SYT1: variants seen among roughly 807,000 people sequenced by gnomAD.
The protein encoded by SYT1 is synaptotagmin 1.
SYT1 carries 8 observed loss-of-function variants against 44.8 expected under a neutral mutation model. The observed-to-expected ratio is 0.18, with a 90% CI of 0.10 to 0.32. SYT1 has a LOEUF of 0.32. Ranked by LOEUF, SYT1 falls within the 10% of genes least tolerant of loss-of-function variation. The pLI is 1.00. For missense variants in SYT1, 286 were observed against 509.3 expected (o/e 0.56, Z 4.22); for synonymous variants, 154 against 188.8 (o/e 0.82, Z 1.51).
At chr12:79,098,141 T>A (rs1878252403) in intron 3 of SYT1, among the ~76,000 whole-genome samples, 1 of 152,046 alleles carries the variant, frequency 6.6e-6, no homozygotes. Context: ...TTTCAATATT[T>A]ATATGAATGA....
intron 3 of SYT1, among the ~76,000 whole-genome samples, chr12:79,110,854 A>C (rs932563431): frequency 3.3e-5 from 5 of 152,130 alleles, no homozygotes; most frequent in Admixed American, 2.6e-4. Flanking sequence ...AATATGCGTT[A>C]CTTCTTTTAA....
intron 1 of SYT1, among the ~76,000 whole-genome samples, chr12:78,923,553 T>TC (rs959050598): frequency 1.7e-4 from 25 of 144,834 alleles, no homozygotes; most frequent in African/African-American, 6.2e-4. Context: ...TATAGAACTA[T>TC]TTAAAAAAAA....
intron 3 of SYT1, among the ~76,000 whole-genome samples, chr12:79,187,595 C>T (rs1872876207): frequency 6.6e-6 from 1 of 152,040 alleles, no homozygotes; most frequent in Non-Finnish European, 1.5e-5. Flanking sequence ...ATTGCATATT[C>T]ATGTATCACC....
intron 1 of SYT1, among the ~76,000 whole-genome samples, chr12:78,949,072 G>A (rs549023062): frequency 4.0e-5 from 6 of 151,130 alleles, no homozygotes; most frequent in South Asian, 2.1e-4. Context: ...TTCAGTGATC[G>A]TCTTTATGCC....
intron 9 of SYT1, among the ~76,000 whole-genome samples, chr12:79,374,360 T>C (rs1883909055): frequency 6.6e-6 from 1 of 152,186 alleles, no homozygotes; most frequent in Non-Finnish European, 1.5e-5. Context: ...TCCTTTCCTT[T>C]CTCTTACCAA....
intron 3 of SYT1, among the ~76,000 whole-genome samples, chr12:79,150,464 G>A (rs1010952948): frequency 2.6e-5 from 4 of 152,176 alleles, no homozygotes; most frequent in Non-Finnish European, 5.9e-5. Flanking sequence ...GGGGTAGTGG[G>A]ACTTTGGTCA....
chr12:79,128,068 T>C (rs1868556496), intron 3 of SYT1, among the ~76,000 whole-genome samples: 1 of 151,710 alleles, frequency 6.6e-6, no homozygotes, highest in South Asian at 2.1e-4. Flanking sequence ...TAAGGGTGCA[T>C]AGATGGATAA....
At chr12:78,974,229 A>T (rs1214104289) in intron 1 of SYT1, among the ~76,000 whole-genome samples, 1 of 151,144 alleles carries the variant, frequency 6.6e-6, no homozygotes, top group Non-Finnish European at 1.5e-5. Context: ...AACATAGTAC[A>T]GTAAAAATAT....
intron 3 of SYT1, among the ~76,000 whole-genome samples, chr12:79,054,042 C>G (rs1394941963): frequency 2.0e-5 from 3 of 151,994 alleles, no homozygotes; most frequent in African/African-American, 7.2e-5. Flanking sequence ...AGGCATTGAA[C>G]TAAATTTCAT....
chr12:79,003,632 A>G (rs1476261778), intron 2 of SYT1, among the ~76,000 whole-genome samples: 1 of 151,988 alleles, frequency 6.6e-6, no homozygotes, highest in East Asian at 1.9e-4. Context: ...CTGATTACAA[A>G]AGGGTATACT....
intron 8 of SYT1, among the ~76,000 whole-genome samples, chr12:79,306,219 A>C (rs1345308565): frequency 2.0e-5 from 3 of 152,232 alleles, no homozygotes; most frequent in Non-Finnish European, 4.4e-5. Context: ...AATTTAACAA[A>C]TATGCATTCT....
intron 4 of SYT1, among the ~76,000 whole-genome samples, chr12:79,253,516 TCTCTCTC>T (rs1565877272): frequency 1.3e-4 from 20 of 150,986 alleles, no homozygotes; most frequent in African/African-American, 1.9e-4. Context: ...TCTCTCTCTC[TCTCTCTC>T]TCACCTCAGA....
At position 79,219,048 on chromosome 12, in the gene SYT1, C is replaced by T. The variant is rs1442318014; in HGVS notation, c.166+1363C>T. 2.0e-5 allele frequency among the ~76,000 whole-genome samples: 3 copies of T among 152,058 alleles called. No homozygotes were observed. In the East Asian group the frequency reaches 5.8e-4, roughly 29 times the overall value. The stretch of plus-strand genomic sequence containing the variant: ...TTATATTTGATTTTTTGATAATAGC[C>T]ATTCTAACAGGTTTGAGGTGGTATT... On this transcript the variant is annotated intron_variant, in intron 4 of 10. Coordinates refer to ENST00000261205, the MANE Select transcript of SYT1 (RefSeq NM_005639.3).
At chr12:79,033,524 G>T (rs1367869118) in intron 2 of SYT1, among the ~76,000 whole-genome samples, 3 of 151,278 alleles carry the variant, frequency 2.0e-5, no homozygotes, top group Admixed American at 1.3e-4. Context: ...AGAATTAGGT[G>T]GTTGGTTCTT....
In SYT1 at chr12:79,112,026, G is replaced by GA. The variant is rs78185411; in HGVS notation, c.-18+64677dup. Among the ~76,000 whole-genome samples, 670 of 135,372 alleles carry GA rather than the reference G, an allele frequency of 4.9e-3. 3 individuals are homozygous for GA. Among genetic ancestry groups the GA allele is most frequent in the Middle Eastern group, 0.03 (8 of 264 alleles). 88.8% of individuals were successfully genotyped at this position (135,372 alleles called of 152,430 possible). A position where few individuals can be genotyped will look rare whatever the true frequency, so the allele number is the denominator to read the frequency against. ...TTAAAGTTTAGTTAGAAAGGATCAG[G>GA]AAAAAAAAAAAAACACAAAGAACTG... On this transcript the variant is annotated intron_variant, in intron 3 of 10. Transcript: ENST00000261205.
intron 8 of SYT1, among the ~76,000 whole-genome samples, chr12:79,330,395 GCTGAGTACT>G (rs1881801941): frequency 6.6e-6 from 1 of 152,154 alleles, no homozygotes. Context: ...CTGGCATGAT[GCTGAGTACT>G]CCTAAATAAT....
At chr12:79,438,276 G>C (rs1277662615) in intron 9 of SYT1, among the ~76,000 whole-genome samples, 1 of 152,106 alleles carries the variant, frequency 6.6e-6, no homozygotes, top group South Asian at 2.1e-4. Flanking sequence ...CCAAAAAAAA[G>C]ATGGCAGATT....
chr12:79,364,020 A>T (rs1433084088), intron 9 of SYT1, among the ~76,000 whole-genome samples: 1 of 152,142 alleles, frequency 6.6e-6, no homozygotes, highest in Non-Finnish European at 1.5e-5. Context: ...AAATTCCACT[A>T]ATCTAACTGA....
chr12:79,364,048 TC>T (rs1883435234), intron 9 of SYT1, among the ~76,000 whole-genome samples: 1 of 152,194 alleles, frequency 6.6e-6, no homozygotes, highest in South Asian at 2.1e-4. Context: ...GTCTTCATCT[TC>T]CAAATGATCT....
Sources: allele counts gnomAD v4.1 joint callset (sites outside exome capture counted in the v4.1 genomes callset), GRCh38; gene constraint gnomAD v4.1.1; transcripts MANE v1.5; gene names NCBI Gene and HGNC (gene_info 2026-07-23, HGNC 2026-07-21).